The following FAM135B variants were observed in gnomAD, a reference collection of about 807,000 sequenced individuals.
FAM135B encodes protein FAM135B.
Under a neutral mutation model 127.7 loss-of-function variants are expected in FAM135B, and 43 were observed. The observed-to-expected ratio is 0.34, with a 90% CI of 0.26 to 0.43. The LOEUF (loss-of-function observed/expected upper bound fraction) is 0.43, where lower values mean the gene tolerates loss of function less well. Among genes scored for constraint, FAM135B ranks in the 20% least tolerant of loss-of-function variants. FAM135B has a pLI of 1.00. For synonymous variants in FAM135B, 670 were observed against 665.1 expected (o/e 1.01, Z -0.11); for missense variants, 1,558 against 1,725.6 (o/e 0.90, Z 1.72).
chr8:138,468,428 T>C (rs1293523240), intron 1 of FAM135B, among the ~76,000 whole-genome samples: 1 of 152,196 alleles, frequency 6.6e-6, no homozygotes, highest in African/African-American at 2.4e-5. Context: ...AACTTTCAAC[T>C]TGTGTCTCCC....
intron 3 of FAM135B, among the ~76,000 whole-genome samples, chr8:138,310,463 G>A (rs887081719): frequency 9.9e-5 from 15 of 152,104 alleles, no homozygotes; most frequent in African/African-American, 2.7e-4. Flanking sequence ...CACCGACACC[G>A]CCTACTCACT....
chr8:138,218,995 TGC>T (rs1818809320), intron 7 of FAM135B, among the ~76,000 whole-genome samples: 1 of 152,212 alleles, frequency 6.6e-6, no homozygotes, highest in Non-Finnish European at 1.5e-5. Flanking sequence ...TGAATGCATT[TGC>T]AGGTGATGAT....
chr8:138,211,978 C>T (rs909621823), intron 7 of FAM135B, among the ~76,000 whole-genome samples: 3 of 152,084 alleles, frequency 2.0e-5, no homozygotes, highest in East Asian at 1.9e-4. Flanking sequence ...TGAGGCAGGG[C>T]AATCACCTGA....
chr8:138,280,990 T>C (rs1824223132), intron 3 of FAM135B, among the ~76,000 whole-genome samples: 1 of 152,120 alleles, frequency 6.6e-6, no homozygotes, highest in African/African-American at 2.4e-5. Context: ...GTGGAGGCTT[T>C]AGCATGGTAA....
At chr8:138,227,486 G>A (rs775093851) in intron 7 of FAM135B, among the ~76,000 whole-genome samples, 3 of 152,090 alleles carry the variant, frequency 2.0e-5, no homozygotes, top group Non-Finnish European at 2.9e-5. Flanking sequence ...CTGCTCCTAC[G>A]TTTGGCATGC....
At chr8:138,368,821 G>T (rs1428894933) in intron 1 of FAM135B, among the ~76,000 whole-genome samples, 1 of 152,076 alleles carries the variant, frequency 6.6e-6, no homozygotes, top group Non-Finnish European at 1.5e-5. Flanking sequence ...AAGCAGGTTG[G>T]GTTTTCTGAG....
At chr8:138,313,998 T>C (rs1826887859) in intron 2 of FAM135B, among the ~76,000 whole-genome samples, 1 of 152,052 alleles carries the variant, frequency 6.6e-6, no homozygotes, top group South Asian at 2.1e-4. Flanking sequence ...TGTGTACTCT[T>C]TGCTTTTTGT....
chr8:138,369,982 T>C (rs2131228886), intron 1 of FAM135B, among the ~76,000 whole-genome samples: 1 of 152,212 alleles, frequency 6.6e-6, no homozygotes, highest in South Asian at 2.1e-4. Flanking sequence ...GCAGGAACAA[T>C]GCACCCCAAG....
chr8:138,271,032 G>T (rs1047561976), intron 3 of FAM135B, among the ~76,000 whole-genome samples: 6 of 152,172 alleles, frequency 3.9e-5, no homozygotes, highest in African/African-American at 1.4e-4. Flanking sequence ...GGACTGATGA[G>T]ATTCATTTCT....
intron 4 of FAM135B, among the ~76,000 whole-genome samples, chr8:138,264,807 A>G (rs1822791867): frequency 6.6e-6 from 1 of 152,162 alleles, no homozygotes; most frequent in African/African-American, 2.4e-5. Context: ...CTGAGAGGAG[A>G]AAGATAATAG....
At chr8:138,251,639 C>T (rs1212836972) in intron 5 of FAM135B, among the ~76,000 whole-genome samples, 1 of 152,182 alleles carries the variant, frequency 6.6e-6, no homozygotes, top group Non-Finnish European at 1.5e-5. Context: ...AATGTCTGCT[C>T]CAATATTTTG....
intron 1 of FAM135B, among the ~76,000 whole-genome samples, chr8:138,380,439 C>T (rs1378177201): frequency 6.6e-6 from 1 of 152,066 alleles, no homozygotes; most frequent in Admixed American, 6.5e-5. Context: ...GGTGATCTGC[C>T]CACCTCAGCC....
chr8:138,267,909 G>A (rs1335390142), intron 3 of FAM135B, among the ~76,000 whole-genome samples: 1 of 152,180 alleles, frequency 6.6e-6, no homozygotes, highest in Non-Finnish European at 1.5e-5. Context: ...GTGTGCAGAT[G>A]CCTCTCTGTT....
At chr8:138,183,300 A>T (rs1212367433) in intron 9 of FAM135B, among the ~76,000 whole-genome samples, 1 of 152,200 alleles carries the variant, frequency 6.6e-6, no homozygotes, top group African/African-American at 2.4e-5. Context: ...AGGCACTTGA[A>T]GGTGGAGCAA....
intron 1 of FAM135B, among the ~76,000 whole-genome samples, chr8:138,421,507 A>G (rs1194722586): frequency 1.3e-5 from 2 of 152,140 alleles, no homozygotes; most frequent in East Asian, 3.9e-4. Context: ...CTAAGCTGAG[A>G]ACCAAATAAA....
intron 3 of FAM135B, among the ~76,000 whole-genome samples, chr8:138,267,822 A>C (rs2130650852): frequency 6.6e-6 from 1 of 152,336 alleles, no homozygotes; most frequent in South Asian, 2.1e-4. Flanking sequence ...GAAGGCAATA[A>C]AATTACTGGC....
chr8:138,486,335 C>T (rs1002944846), intron 1 of FAM135B, among the ~76,000 whole-genome samples: 70 of 152,158 alleles, frequency 4.6e-4, no homozygotes, highest in African/African-American at 1.6e-3. Context: ...TGATATGAGT[C>T]CCAAAGAATG....
chr8:138,442,173 G>A (rs1361569140), intron 1 of FAM135B, among the ~76,000 whole-genome samples: 7 of 141,578 alleles, frequency 4.9e-5, no homozygotes, highest in Non-Finnish European at 9.1e-5. Flanking sequence ...CTAGAATACA[G>A]CTTGTCTTAG....
chr8:138,427,827 T>C (rs1834984007), intron 1 of FAM135B, among the ~76,000 whole-genome samples: 1 of 152,202 alleles, frequency 6.6e-6, no homozygotes, highest in Non-Finnish European at 1.5e-5. Flanking sequence ...CTGTACTTCA[T>C]TGATACATCT....
Sources: gnomAD v4.1 joint callset for allele counts (sites outside exome capture counted in the v4.1 genomes callset) on GRCh38, gnomAD v4.1.1 for gene constraint, MANE v1.5 for transcripts, NCBI Gene and HGNC (gene_info 2026-07-23, HGNC 2026-07-21) for gene names.